Variants in PGBD5 observed in about 807,000 individuals in gnomAD.
The protein encoded by PGBD5 is piggyBac transposable element derived 5.
PGBD5 carries 14 observed loss-of-function variants against 47.9 expected under a neutral mutation model. The ratio of observed to expected loss-of-function variants is 0.29; its 90% CI spans 0.19 to 0.46. The LOEUF is 0.46. PGBD5 is among the 20% of genes least tolerant of loss of function. The probability of loss-of-function intolerance (pLI) is 1.00; values close to 1 mark genes in which losing one functional copy is unlikely to be tolerated. For missense variants in PGBD5, 635 were observed against 716.0 expected, an observed-to-expected ratio of 0.89 and a Z score of 1.29; for synonymous variants, 316 against 306.3, an observed-to-expected ratio of 1.03 and a Z score of -0.33.
At chr1:230,354,201 C>G (rs1472879579) in intron 2 of PGBD5, among the ~76,000 whole-genome samples, 1 of 152,194 alleles carries the variant, frequency 6.6e-6, no homozygotes. Flanking sequence ...TTACCTTGCT[C>G]TACACCTACT....
intron 1 of PGBD5, among the ~76,000 whole-genome samples, chr1:230,372,925 C>T (rs1313377299): frequency 6.6e-6 from 1 of 152,098 alleles, no homozygotes; most frequent in Non-Finnish European, 1.5e-5. Flanking sequence ...CTCTACATAT[C>T]ACCTCCTCCC....
chr1:230,398,890 T>C (rs1015049096), intron 1 of PGBD5, among the ~76,000 whole-genome samples: 2 of 152,030 alleles, frequency 1.3e-5, no homozygotes, highest in African/African-American at 4.8e-5. Flanking sequence ...CCAGAGCAGC[T>C]GGTCTGAAAC....
intron 1 of PGBD5, among the ~76,000 whole-genome samples, chr1:230,394,886 G>A (rs1439172845): frequency 7.3e-5 from 6 of 81,976 alleles, no homozygotes; most frequent in Non-Finnish European, 7.1e-5. Context: ...CTCTCCTCAT[G>A]CTCCTCCCCA....
chr1:230,399,272 G>A (rs1657077015), intron 1 of PGBD5, among the ~76,000 whole-genome samples: 1 of 152,178 alleles, frequency 6.6e-6, no homozygotes, highest in South Asian at 2.1e-4. Flanking sequence ...TTTTACTGGT[G>A]TCCTGTATTC....
intron 1 of PGBD5, among the ~76,000 whole-genome samples, chr1:230,373,166 G>T (rs995178911): frequency 6.6e-6 from 1 of 152,180 alleles, no homozygotes; most frequent in Non-Finnish European, 1.5e-5. Context: ...TTGCTCAGGT[G>T]CTCACAGGAG....
chr1:230,350,203 C>T (rs1029993608), intron 3 of PGBD5, among the ~76,000 whole-genome samples: 18 of 152,228 alleles, frequency 1.2e-4, no homozygotes, highest in Non-Finnish European at 2.9e-5. Context: ...GGTGTCGCTG[C>T]GCAGCACGCA....
At position 230,357,452 on chromosome 1, in the gene PGBD5, C is replaced by A; in HGVS notation, c.332-131G>T. The A allele has an allele frequency of 1.0e-6, 1 of 957,508 alleles. No homozygotes were observed. Among genetic ancestry groups the A allele is most frequent in the African/African-American group, 1.7e-5 (1 of 60,422 alleles). The allele number at this position is 957,508 out of a possible 1,614,324, so 59.3% of individuals were successfully genotyped here. Reference sequence around the variant, plus strand: ...CCGCTGCCTCCAGTGCTACCGCCTTCCCCTCCAACCTTCCAGAAGCTGCTG... The same window carrying A: ...CCGCTGCCTCCAGTGCTACCGCCTTACCCTCCAACCTTCCAGAAGCTGCTG... On this transcript the variant is annotated intron_variant, in intron 1 of 6. Transcript: ENST00000391860. The surrounding 1 kb of genome is among the most constrained non-coding windows in gnomAD (Gnocchi z 5.7).
intron 1 of PGBD5, among the ~76,000 whole-genome samples, chr1:230,415,549 G>C (rs1002001485): frequency 1.3e-5 from 2 of 152,194 alleles, no homozygotes; most frequent in African/African-American, 4.8e-5. Flanking sequence ...CTGGCTTCCT[G>C]TCTGCTGCCT....
intron 1 of PGBD5, among the ~76,000 whole-genome samples, chr1:230,403,722 G>A (rs988589890): frequency 2.0e-5 from 3 of 152,176 alleles, no homozygotes; most frequent in African/African-American, 4.8e-5. Context: ...CAGAAGAGCC[G>A]CCTTCTCTCC....
intron 1 of PGBD5, among the ~76,000 whole-genome samples, chr1:230,413,806 TCAC>T (rs2102751552): frequency 6.6e-6 from 1 of 152,294 alleles, no homozygotes; most frequent in Non-Finnish European, 1.5e-5. Context: ...CCGTTTGTCT[TCAC>T]CACCAGGAGT....
At chr1:230,418,520 G>A (rs910043500) in intron 1 of PGBD5, among the ~76,000 whole-genome samples, 1 of 152,124 alleles carries the variant, frequency 6.6e-6, no homozygotes, top group African/African-American at 2.4e-5. Context: ...TTCTTTTCGA[G>A]ATGGGGTCTC....
Position 230,317,338 on chromosome 1 carries a change from C to T in PGBD5, c.*6087G>A, listed in dbSNP as rs1185385171. 6.6e-6 allele frequency: 1 copy of T among 152,166 alleles called. No homozygotes were observed. The highest frequency in any genetic ancestry group is 1.5e-5 in the Non-Finnish European group (1 of 68,040). 9.4% of individuals were successfully genotyped at this position (152,166 alleles called of 1,614,324 possible). A position where few individuals can be genotyped will look rare whatever the true frequency, so the allele number is the denominator to read the frequency against. Reference sequence around the variant, plus strand: ...AACCTGGCTCCACACCCTGTAGAGTCACCACGGCTCTCAGAGTGTCACTTT... The same window carrying T: ...AACCTGGCTCCACACCCTGTAGAGTTACCACGGCTCTCAGAGTGTCACTTT... On this transcript the variant is annotated 3_prime_UTR_variant, in exon 7 of 7. Transcript: ENST00000391860.
chr1:230,367,214 C>T (rs1046380051), intron 1 of PGBD5, among the ~76,000 whole-genome samples: 1 of 152,168 alleles, frequency 6.6e-6, no homozygotes, highest in Non-Finnish European at 1.5e-5. Context: ...GCTGTTTCTT[C>T]AGGCTCCTTC....
Position 230,357,269 on chromosome 1 carries a change from G to C in PGBD5, c.384C>G (p.Leu128=). Residue 128 remains leucine (L), a synonymous_variant, in exon 2 of 7, where the codon CTC becomes CTG. Transcript: ENST00000391860. This position sits in a 1 kb window ranked among gnomAD's most constrained non-coding sequence, Gnocchi z 5.7. The part of the protein sequence containing the change: ...PSASAVDFFQ[L]FVPDNVLKNM... ...TCTTGAGGACGTTGTCTGGGACAAA[G>C]AGCTGGAAGAAGTCCACGGCACTGG... 4 of 1,614,140 alleles carry C rather than the reference G, an allele frequency of 2.5e-6. No homozygotes were observed. The highest frequency in any genetic ancestry group is 3.4e-6 in the Non-Finnish European group (4 of 1,180,036).
intron 1 of PGBD5, among the ~76,000 whole-genome samples, chr1:230,399,606 C>T (rs901591131): frequency 1.3e-5 from 2 of 152,200 alleles, no homozygotes; most frequent in African/African-American, 2.4e-5. Context: ...CTGGTCTGGT[C>T]CTCTCTCAGA....
At chr1:230,401,808 C>G (rs932309034) in intron 1 of PGBD5, among the ~76,000 whole-genome samples, 1 of 152,210 alleles carries the variant, frequency 6.6e-6, no homozygotes, top group Non-Finnish European at 1.5e-5. Flanking sequence ...CCTGGCAACA[C>G]AGGCAGGCGC....
At chr1:230,369,160 A>T (rs1243502172) in intron 1 of PGBD5, among the ~76,000 whole-genome samples, 1 of 152,252 alleles carries the variant, frequency 6.6e-6, no homozygotes, top group Non-Finnish European at 1.5e-5. Flanking sequence ...ATGAAAATGT[A>T]TGTGTCACAT....
At chr1:230,368,798 T>TGG (rs34156580) in intron 1 of PGBD5, among the ~76,000 whole-genome samples, 40,841 of 152,044 alleles carry the variant, frequency 0.27, 6,641 homozygotes, top group Non-Finnish European at 0.35. Flanking sequence ...GAAACGTGTG[T>TGG]GTATGTGAGT....
At chr1:230,339,064 G>A (rs1667371005) in intron 3 of PGBD5, among the ~76,000 whole-genome samples, 1 of 152,218 alleles carries the variant, frequency 6.6e-6, no homozygotes, top group Non-Finnish European at 1.5e-5. Flanking sequence ...CACACCAGGG[G>A]CAGGAAGCCT....
Sources: allele counts gnomAD v4.1 joint callset (sites outside exome capture counted in the v4.1 genomes callset), GRCh38; gene constraint gnomAD v4.1.1; non-coding constraint Gnocchi (gnomAD v3.1); transcripts MANE v1.5; gene names NCBI Gene and HGNC (gene_info 2026-07-23, HGNC 2026-07-21).